The following ATP9B variants were observed in gnomAD, a reference collection of about 807,000 sequenced individuals.
ATP9B encodes ATPase phospholipid transporting 9B.
ATP9B carries 110 observed loss-of-function variants against 146.1 expected under a neutral mutation model. That is an observed-to-expected ratio of 0.75 (90% CI 0.65 to 0.88). ATP9B has a LOEUF of 0.88. Ranked by LOEUF, ATP9B falls within the 40% of genes least tolerant of loss-of-function variation. ATP9B has a pLI of 0.00. For missense variants in ATP9B, 1,499 were observed against 1,496.4 expected (o/e 1.00, Z -0.03); for synonymous variants, 604 against 569.7 (o/e 1.06, Z -0.86).
At chr18:79,089,055 A>G (rs1376795490) in intron 1 of ATP9B, among the ~76,000 whole-genome samples, 2 of 152,150 alleles carry the variant, frequency 1.3e-5, no homozygotes, top group East Asian at 1.9e-4. Context: ...GCATATTTTA[A>G]AAGTCCTTTG....
chr18:79,329,860 C>G, intron 16 of ATP9B, 152 bp from the exon 17 acceptor site: 3 of 672,158 alleles, frequency 4.5e-6, no homozygotes, highest in Non-Finnish European at 7.9e-6. Flanking sequence ...GTGGGCCTAG[C>G]CCTCCGCGTA....
intron 2 of ATP9B, among the ~76,000 whole-genome samples, chr18:79,099,539 C>G (rs2075098627): frequency 6.6e-6 from 1 of 152,062 alleles, no homozygotes; most frequent in African/African-American, 2.4e-5. Context: ...TTTCTAATTT[C>G]CATTGTCATT....
chr18:79,277,171 G>A lies in ATP9B; in HGVS notation c.1386G>A (p.Leu462=), dbSNP rs774044652. 3.7e-6 allele frequency: 6 copies of A among 1,614,086 alleles called. No individual in the cohort carries two copies. In the Admixed American group the frequency reaches 1.0e-4, roughly 27 times the overall value. ...CTATCCCAGAGGAACTTGGGCGCCT[G>A]GTGTATTTATTGACAGACAAAACAG... ...TSTIPEELGR[L]VYLLTDKTGT... is the part of the protein sequence containing the mutation. Residue 462 remains leucine, a synonymous_variant, in exon 13 of 30, where the codon CTG becomes CTA. Coordinates refer to ENST00000426216, the MANE Select transcript of ATP9B (RefSeq NM_198531.5).
intron 11 of ATP9B, among the ~76,000 whole-genome samples, chr18:79,250,321 A>G (rs1466635808): frequency 2.6e-5 from 4 of 152,250 alleles, no homozygotes. Context: ...TTTATTACAA[A>G]AAAAGACCAA....
At chr18:79,286,245 C>T (rs1306086639) in intron 13 of ATP9B, among the ~76,000 whole-genome samples, 1 of 152,102 alleles carries the variant, frequency 6.6e-6, no homozygotes, top group Non-Finnish European at 1.5e-5. Flanking sequence ...TCTTCCTACC[C>T]ATGAGCATGG....
chr18:79,226,300 T>A (rs2095733671), intron 11 of ATP9B, among the ~76,000 whole-genome samples: 2 of 152,224 alleles, frequency 1.3e-5, no homozygotes, highest in African/African-American at 4.8e-5. Flanking sequence ...GGTGCTTTGC[T>A]CCTCATGCGT....
chr18:79,091,822 G>A (rs1268257837), intron 1 of ATP9B, among the ~76,000 whole-genome samples: 1 of 152,194 alleles, frequency 6.6e-6, no homozygotes, highest in Non-Finnish European at 1.5e-5. Flanking sequence ...TCGAGTAACA[G>A]TGGTGACAGT....
At chr18:79,175,515 G>T (rs958227863) in intron 7 of ATP9B, among the ~76,000 whole-genome samples, 7 of 151,856 alleles carry the variant, frequency 4.6e-5, no homozygotes, top group Non-Finnish European at 8.8e-5. Flanking sequence ...CATGCATACA[G>T]ATACACTCAC....
intron 13 of ATP9B, among the ~76,000 whole-genome samples, chr18:79,302,178 G>A (rs2096594853): frequency 6.6e-6 from 1 of 152,216 alleles, no homozygotes; most frequent in Admixed American, 6.5e-5. Flanking sequence ...TTTGTGCAAT[G>A]AATGGCTGTG....
At position 79,283,267 on chromosome 18, in the gene ATP9B, C is replaced by T. The variant is rs536784453; in HGVS notation, c.1411+6071C>T. Among the ~76,000 whole-genome samples the T allele has an allele frequency of 3.8e-4, 58 of 152,206 alleles. 1 individual carries two copies. Among genetic ancestry groups the T allele is most frequent in the African/African-American group, 1.3e-3 (56 of 41,530 alleles). On this transcript the variant is annotated intron_variant, in intron 13 of 29. Coordinates refer to ENST00000426216, the MANE Select transcript of ATP9B (RefSeq NM_198531.5). ...CTGTGGATGGTTGTTTATTATAAAG[C>T]GTCCTGGTTCTCCGTATCAGAGGAG...
chr18:79,218,901 T>C (rs1344469814), intron 11 of ATP9B, among the ~76,000 whole-genome samples: 1 of 152,166 alleles, frequency 6.6e-6, no homozygotes, highest in Non-Finnish European at 1.5e-5. Context: ...GAATTGGAAA[T>C]ACTTCATGAG....
At chr18:79,220,708 T>A (rs1250345030) in intron 11 of ATP9B, among the ~76,000 whole-genome samples, 1 of 152,246 alleles carries the variant, frequency 6.6e-6, no homozygotes, top group Non-Finnish European at 1.5e-5. Context: ...CAGTAATTGA[T>A]CTTCTAGGGA....
chr18:79,282,791 A>G (rs997467492), intron 13 of ATP9B, among the ~76,000 whole-genome samples: 1 of 152,086 alleles, frequency 6.6e-6, no homozygotes, highest in Non-Finnish European at 1.5e-5. Flanking sequence ...CATATCCTCA[A>G]TTGGAAAGGG....
chr18:79,329,027 G>A (rs1190137649), intron 15 of ATP9B, 114 bp from the exon 16 acceptor site: 1 of 1,160,542 alleles, frequency 8.6e-7, no homozygotes, highest in Admixed American at 3.5e-5. Context: ...GAACACCTAA[G>A]TTCTTCTGCA....
At position 79,256,257 on chromosome 18, in the gene ATP9B, C is replaced by CCATATATATATATATATA. The variant is rs1262664506; in HGVS notation, c.1268+2716_1268+2717insCATATATATATATATATA. Among the ~76,000 whole-genome samples, 271 of 100,326 alleles carry CCATATATATATATATATA rather than the reference C, an allele frequency of 2.7e-3. 12 individuals carry two copies. Among genetic ancestry groups the CCATATATATATATATATA allele is most frequent in the Admixed American group, 6.6e-3 (65 of 9,874 alleles). The allele number at this position is 100,326 out of a possible 152,430, so 65.8% of individuals were successfully genotyped here. A position where few individuals can be genotyped will look rare whatever the true frequency, so the allele number is the denominator to read the frequency against. ...ATGCCATTTTGTGAATTCTAGCTAG[C>CCATATATATATATATATA]TATATATATATATATATATATATAT... On this transcript the variant is annotated intron_variant, in intron 12 of 29. Transcript: ENST00000426216.
At chr18:79,139,587 G>T (rs1034679556) in intron 5 of ATP9B, among the ~76,000 whole-genome samples, 1 of 152,166 alleles carries the variant, frequency 6.6e-6, no homozygotes, top group Non-Finnish European at 1.5e-5. Flanking sequence ...TGGGCTACAT[G>T]AGATATTTTG....
chr18:79,095,399 C>G (rs1423230980), intron 1 of ATP9B, among the ~76,000 whole-genome samples: 1 of 152,144 alleles, frequency 6.6e-6, no homozygotes, highest in African/African-American at 2.4e-5. Context: ...TTGCTAGGGC[C>G]CCCAGTCCTG....
intron 15 of ATP9B, among the ~76,000 whole-genome samples, chr18:79,325,876 T>C: frequency 6.6e-6 from 1 of 151,100 alleles, no homozygotes; most frequent in Admixed American, 6.6e-5. Context: ...GGGTGTCATC[T>C]CTGTACCCTC....
intron 26 of ATP9B, chr18:79,362,337 G>A (rs1311919916): frequency 1.3e-5 from 2 of 152,134 alleles, no homozygotes; most frequent in African/African-American, 2.4e-5. Context: ...GCCACACATC[G>A]ACACAGTATC....
Sources: gnomAD v4.1 joint callset for allele counts (sites outside exome capture counted in the v4.1 genomes callset) on GRCh38, gnomAD v4.1.1 for gene constraint, MANE v1.5 for transcripts, NCBI Gene and HGNC (gene_info 2026-07-23, HGNC 2026-07-21) for gene names.